TMPRSS11F: variants seen among roughly 807,000 people sequenced by gnomAD.
TMPRSS11F encodes the protein transmembrane serine protease 11F.
Under a neutral mutation model 60.2 loss-of-function variants are expected in TMPRSS11F, and 47 were observed. That is an observed-to-expected ratio of 0.78 (90% CI 0.62 to 1.00). The LOEUF is 1.00. TMPRSS11F is among the 50% of genes least tolerant of loss of function. The probability of loss-of-function intolerance (pLI) is 0.00; values close to 1 mark genes in which losing one functional copy is unlikely to be tolerated. For missense variants in TMPRSS11F, 519 were observed against 522.9 expected (o/e 0.99, Z 0.07); for synonymous variants, 166 against 167.3 (o/e 0.99, Z 0.06).
intron 8 of TMPRSS11F, among the ~76,000 whole-genome samples, 186 bp from the exon 9 acceptor site, chr4:68,059,654 T>C (rs552873883): frequency 6.6e-5 from 10 of 152,344 alleles, no homozygotes; most frequent in Admixed American, 5.9e-4. Flanking sequence ...TCCAGTATTA[T>C]ATCACATTTG....
At chr4:68,123,044 G>A (rs1724652336) in intron 1 of TMPRSS11F, among the ~76,000 whole-genome samples, 1 of 152,166 alleles carries the variant, frequency 6.6e-6, no homozygotes, top group African/African-American at 2.4e-5. Flanking sequence ...GAGAGTCAGA[G>A]TAAATAAATC....
At chr4:68,062,479 A>C (rs1723204993) in intron 8 of TMPRSS11F, 1 of 678,538 alleles carries the variant, frequency 1.5e-6, no homozygotes, top group Non-Finnish European at 2.8e-6. Flanking sequence ...GCGACTTGGT[A>C]GAAACAGTAA....
intron 9 of TMPRSS11F, among the ~76,000 whole-genome samples, chr4:68,055,301 G>A (rs1364225914): frequency 6.6e-6 from 1 of 152,122 alleles, no homozygotes; most frequent in African/African-American, 2.4e-5. Context: ...GACATGATTA[G>A]CCTTTTTTTG....
chr4:68,081,113 G>A (rs1484380716), intron 3 of TMPRSS11F, among the ~76,000 whole-genome samples: 1 of 152,168 alleles, frequency 6.6e-6, no homozygotes, highest in Non-Finnish European at 1.5e-5. Context: ...AGTTGTTGTA[G>A]TTTTAGAATA....
At chr4:68,073,849 G>T in intron 4 of TMPRSS11F, 93 bp downstream of exon 4, 1 of 724,894 alleles carries the variant, frequency 1.4e-6, no homozygotes, top group Non-Finnish European at 2.2e-6. Context: ...CTGTGTTGCT[G>T]TAAAGACTTG....
At chr4:68,112,092 A>G (rs1724419263) in intron 1 of TMPRSS11F, among the ~76,000 whole-genome samples, 1 of 152,116 alleles carries the variant, frequency 6.6e-6, no homozygotes, top group Non-Finnish European at 1.5e-5. Context: ...CTTCTGCTCA[A>G]ATGTCTTCTT....
At chr4:68,054,809 C>T (rs1015998581) in intron 9 of TMPRSS11F, among the ~76,000 whole-genome samples, 3 of 152,060 alleles carry the variant, frequency 2.0e-5, no homozygotes, top group Admixed American at 6.6e-5. Flanking sequence ...AAATGATGAA[C>T]ATAAATGACA....
chr4:68,101,568 G>A (rs1724190540), intron 1 of TMPRSS11F, among the ~76,000 whole-genome samples: 1 of 152,096 alleles, frequency 6.6e-6, no homozygotes, highest in Non-Finnish European at 1.5e-5. Context: ...AGATTATTTA[G>A]ATGACATTTA....
chr4:68,064,907 C>T lies in TMPRSS11F; in HGVS notation c.793G>A (p.Ala265Thr). The T allele has an allele frequency of 6.2e-7, 1 of 1,613,794 alleles. No individual in the cohort carries two copies. The highest frequency in any genetic ancestry group is 8.5e-7 in the Non-Finnish European group (1 of 1,179,920). The change falls in exon 8 of 10, where the codon GCA (alanine) becomes ACA (threonine). Residue 265 changes from alanine to threonine, a missense_variant. Ala to Thr is a moderately conservative substitution (Grantham distance 58). Coordinates refer to ENST00000356291, the MANE Select transcript of TMPRSS11F (RefSeq NM_207407.2). ...DPTQWIATFG[A>T]TITPPAVKRN... ...TTCACTGCGGGTGGTGTTATAGTTG[C>T]ACCAAAAGTAGCAATCCATTGAGTT...
intron 1 of TMPRSS11F, among the ~76,000 whole-genome samples, chr4:68,127,482 C>A (rs934900826): frequency 2.0e-5 from 3 of 151,526 alleles, no homozygotes; most frequent in Admixed American, 6.6e-5. Context: ...AATACAGGGA[C>A]CCATGAAAAA....
intron 8 of TMPRSS11F, chr4:68,062,765 G>T (rs547733416): frequency 1.3e-6 from 1 of 742,670 alleles, no homozygotes; most frequent in South Asian, 1.3e-5. Context: ...CTTGTATACT[G>T]GATTTGGCCG....
At chr4:68,116,347 T>C (rs759601341) in intron 1 of TMPRSS11F, among the ~76,000 whole-genome samples, 1 of 152,006 alleles carries the variant, frequency 6.6e-6, no homozygotes, top group South Asian at 2.1e-4. Flanking sequence ...CATTAAAAAA[T>C]GCACAGATAA....
intron 1 of TMPRSS11F, among the ~76,000 whole-genome samples, chr4:68,111,379 G>T (rs1161058091): frequency 6.6e-6 from 1 of 152,064 alleles, no homozygotes; most frequent in Non-Finnish European, 1.5e-5. Context: ...AAAAAAACAT[G>T]AAACAGATGG....
intron 1 of TMPRSS11F, among the ~76,000 whole-genome samples, chr4:68,106,818 T>C (rs1724309941): frequency 6.6e-6 from 1 of 152,190 alleles, no homozygotes; most frequent in Non-Finnish European, 1.5e-5. Flanking sequence ...GTAAAACATA[T>C]AAGACATTTA....
At chr4:68,088,879 G>A (rs1363074471) in intron 3 of TMPRSS11F, among the ~76,000 whole-genome samples, 2 of 151,962 alleles carry the variant, frequency 1.3e-5, no homozygotes, top group African/African-American at 2.4e-5. Flanking sequence ...GGAGAACTAC[G>A]AAACACTGCT....
intron 3 of TMPRSS11F, among the ~76,000 whole-genome samples, chr4:68,082,475 T>C (rs1413312803): frequency 6.6e-6 from 1 of 152,210 alleles, no homozygotes; most frequent in Admixed American, 6.5e-5. Flanking sequence ...GCCTTTCTCA[T>C]GAGACTAAGG....
In TMPRSS11F at chr4:68,090,616, G is replaced by T; in HGVS notation, c.189C>A (p.Ala63=). Residue 63 remains alanine (A), a synonymous_variant, in exon 3 of 10, where the codon GCC becomes GCA. Coordinates refer to ENST00000356291, the MANE Select transcript of TMPRSS11F (RefSeq NM_207407.2). Reference sequence around the variant, plus strand: ...ATTTGATATTTGTGACTTTAAAAGAGGCAAGGTAATAGAAAGACTTATCAT... The same window carrying T: ...ATTTGATATTTGTGACTTTAAAAGATGCAAGGTAATAGAAAGACTTATCAT... ...VEDDKSFYYL[A]SFKVTNIKYK... 6.3e-7 allele frequency: 1 copy of T among 1,599,534 alleles called. No individual in the cohort carries two copies. The highest frequency in any genetic ancestry group is 1.1e-5 in the South Asian group (1 of 90,064).
Position 68,074,108 on chromosome 4 carries a change from C to T in TMPRSS11F, c.283-99G>A, listed in dbSNP as rs900589631. 17 of 683,524 alleles carry T rather than the reference C, an allele frequency of 2.5e-5. No individual in the cohort carries two copies. In the African/African-American group the frequency reaches 3.2e-4, roughly 13 times the overall value. 42.3% of individuals were successfully genotyped at this position (683,524 alleles called of 1,614,324 possible). A position where few individuals can be genotyped will look rare whatever the true frequency, so the allele number is the denominator to read the frequency against. On this transcript the variant is annotated intron_variant, in intron 3 of 9. Coordinates refer to ENST00000356291, the MANE Select transcript of TMPRSS11F (RefSeq NM_207407.2). ...ATTAGTCTTAAGAAAAGTGTTATTC[C>T]TTGTCTTATCTAGAGACTTGGGCAA...
chr4:68,075,010 A>C (rs1723555205), intron 3 of TMPRSS11F, among the ~76,000 whole-genome samples: 1 of 152,232 alleles, frequency 6.6e-6, no homozygotes, highest in Non-Finnish European at 1.5e-5. Context: ...TTTTTTAAAA[A>C]GCACTGGGCT....
Sources: gnomAD v4.1 joint callset for allele counts (sites outside exome capture counted in the v4.1 genomes callset) on GRCh38, gnomAD v4.1.1 for gene constraint, MANE v1.5 for transcripts, NCBI Gene and HGNC (gene_info 2026-07-23, HGNC 2026-07-21) for gene names.